Variants in DACH1 observed in about 807,000 individuals in gnomAD.
DACH1 encodes dachshund family transcription factor 1.
A neutral mutation model predicts 54.2 loss-of-function variants in DACH1; 12 were observed. That is an observed-to-expected ratio of 0.22 (90% CI 0.14 to 0.36). The LOEUF is 0.36. Among genes scored for constraint, DACH1 ranks in the 10% least tolerant of loss-of-function variants. DACH1 has a pLI of 1.00. For missense variants in DACH1, 805 were observed against 929.8 expected, an observed-to-expected ratio of 0.87 and a Z score of 1.75; for synonymous variants, 386 against 366.2, an observed-to-expected ratio of 1.05 and a Z score of -0.62.
rs144562083 is a variant in DACH1 at position 71,761,686 on chromosome 13, GGCC to G, written c.849-79779_849-79777del. The stretch of plus-strand genomic sequence containing the variant: ...TTTTGATCCAGTAGGTCTGGAATGG[GGCC>G]TGGATGCTAACATTTTTAAGTCACT... On this transcript the variant is annotated intron_variant, in intron 1 of 10. Transcript: ENST00000613252. 5.6e-3 allele frequency among the ~76,000 whole-genome samples: 845 copies of G among 152,126 alleles called. 10 individuals are homozygous for G. The highest frequency in any genetic ancestry group is 0.019 in the African/African-American group (790 of 41,498).
intron 1 of DACH1, among the ~76,000 whole-genome samples, chr13:71,747,089 G>C (rs1036081227): frequency 6.6e-6 from 1 of 151,836 alleles, no homozygotes; most frequent in Admixed American, 6.6e-5. Context: ...TATTGTGTTT[G>C]TATATACAAA....
chr13:71,630,153 TG>T (rs1342219795), intron 3 of DACH1, among the ~76,000 whole-genome samples: 1 of 152,148 alleles, frequency 6.6e-6, no homozygotes, highest in East Asian at 1.9e-4. Context: ...TTGCTGCCAA[TG>T]GTAGTAAGTT....
intron 1 of DACH1, among the ~76,000 whole-genome samples, chr13:71,765,311 G>A (rs1044321710): frequency 2.6e-5 from 4 of 152,092 alleles, no homozygotes; most frequent in Non-Finnish European, 4.4e-5. Flanking sequence ...TAAATTCCAT[G>A]GGTTCTACCC....
Position 71,748,938 on chromosome 13 carries a change from TTCTTTCTTTCTTTCTC to T in DACH1, c.849-67044_849-67029del, listed in dbSNP as rs1566477068. Reference sequence around the variant, plus strand: ...TTTCTTTCTTTCTTTCTTTCTTTCTTTCTTTCTTTCTTTCTCTCTTTCTTTCTCTCTCTCTCTTTCT... The same window carrying T: ...TTTCTTTCTTTCTTTCTTTCTTTCTTTCTTTCTTTCTCTCTCTCTCTTTCT... On this transcript the variant is annotated intron_variant, in intron 1 of 10. Coordinates refer to ENST00000613252, the MANE Select transcript of DACH1 (RefSeq NM_080759.6). Among the ~76,000 whole-genome samples the T allele has an allele frequency of 4.5e-3, 218 of 48,758 alleles. 12 individuals are homozygous for T. The highest frequency in any genetic ancestry group is 9.4e-3 in the African/African-American group (203 of 21,698). The allele number at this position is 48,758 out of a possible 152,430, so 32.0% of individuals were successfully genotyped here.
At chr13:71,579,143 G>T (rs970935746) in intron 3 of DACH1, among the ~76,000 whole-genome samples, 4 of 151,948 alleles carry the variant, frequency 2.6e-5, no homozygotes, top group Non-Finnish European at 4.4e-5. Flanking sequence ...TCTTACCTAT[G>T]ATGTTTTCTT....
At chr13:71,672,709 G>GT (rs1566422641) in intron 2 of DACH1, among the ~76,000 whole-genome samples, 1 of 152,098 alleles carries the variant, frequency 6.6e-6, no homozygotes, top group Non-Finnish European at 1.5e-5. Flanking sequence ...AGGAAGGGAC[G>GT]TAAGATACCA....
intron 1 of DACH1, among the ~76,000 whole-genome samples, chr13:71,741,281 T>C (rs867608386): frequency 9.9e-5 from 15 of 152,154 alleles, no homozygotes; most frequent in South Asian, 8.3e-4. Context: ...ATTTTGATTA[T>C]TGGGAAAAGA....
intron 2 of DACH1, among the ~76,000 whole-genome samples, chr13:71,632,593 A>C (rs1877191572): frequency 6.6e-6 from 1 of 152,076 alleles, no homozygotes; most frequent in African/African-American, 2.4e-5. Context: ...CTAGCAAATA[A>C]GTTACTGCCC....
At position 71,453,966 on chromosome 13, in the gene DACH1, C is replaced by G. The variant is rs1566268477; in HGVS notation, c.2084-13274G>C. Among the ~76,000 whole-genome samples the G allele has an allele frequency of 5.9e-5, 9 of 152,214 alleles. No individual in the cohort carries two copies. In the East Asian group the frequency reaches 9.7e-4, roughly 16 times the overall value. On this transcript the variant is annotated intron_variant, in intron 10 of 10. Coordinates refer to ENST00000613252, the MANE Select transcript of DACH1 (RefSeq NM_080759.6). ...AGAACAATAACATCCTATACAAGAA[C>G]TTTTAAGTAAGGTGGCCCTCTGTGC...
chr13:71,441,952 C>T (rs4884952), intron 10 of DACH1, among the ~76,000 whole-genome samples: 139,743 of 152,018 alleles, frequency 0.92, 65,386 homozygotes, highest in East Asian at 1. Flanking sequence ...ATGGGATACA[C>T]TGCATATTTA....
At chr13:71,468,766 A>AT (rs1159173828) in intron 10 of DACH1, among the ~76,000 whole-genome samples, 5 of 152,066 alleles carry the variant, frequency 3.3e-5, no homozygotes, top group African/African-American at 4.8e-5. Flanking sequence ...TAAGTTGTAG[A>AT]TTTTTTTCTC....
chr13:71,471,964 C>T (rs1051567908), intron 10 of DACH1, among the ~76,000 whole-genome samples: 1 of 151,818 alleles, frequency 6.6e-6, no homozygotes, highest in Non-Finnish European at 1.5e-5. Flanking sequence ...AAACACTGCT[C>T]GATGATTGTT....
chr13:71,527,832 GTAA>G (rs1245260468), intron 6 of DACH1, among the ~76,000 whole-genome samples: 1 of 151,844 alleles, frequency 6.6e-6, no homozygotes, highest in Non-Finnish European at 1.5e-5. Context: ...GAAAAAGGTA[GTAA>G]AAACTAAACA....
At chr13:71,475,610 A>G in intron 9 of DACH1, 96 bp downstream of exon 9, 2 of 1,376,920 alleles carry the variant, frequency 1.5e-6, no homozygotes, top group Non-Finnish European at 2.0e-6. Context: ...ATGAATCACA[A>G]GATATAGAAA....
chr13:71,794,808 C>T (rs900351125), intron 1 of DACH1, among the ~76,000 whole-genome samples: 1 of 152,168 alleles, frequency 6.6e-6, no homozygotes, highest in Non-Finnish European at 1.5e-5. Context: ...AATTGACATT[C>T]AAGTACAAAA....
intron 3 of DACH1, among the ~76,000 whole-genome samples, chr13:71,579,208 A>T (rs1379894315): frequency 6.6e-6 from 1 of 152,074 alleles, no homozygotes; most frequent in African/African-American, 2.4e-5. Context: ...TTATAACATA[A>T]TACTGATGCT....
chr13:71,642,204 A>T (rs1390789902), intron 2 of DACH1, among the ~76,000 whole-genome samples: 1 of 152,220 alleles, frequency 6.6e-6, no homozygotes, highest in African/African-American at 2.4e-5. Flanking sequence ...ATGAGATTCT[A>T]TTAAAAGAAA....
chr13:71,552,820 TATATATATATATATATATATATAGAGAG>T (rs1268150387), intron 6 of DACH1, among the ~76,000 whole-genome samples: 99 of 56,448 alleles, frequency 1.8e-3, no homozygotes, highest in African/African-American at 4.7e-3. Context: ...TATATATATA[TATATATATATATATATATATATAGAGAG>T]AGAGAGAGAG....
chr13:71,504,141 A>G (rs1376726968), intron 6 of DACH1, among the ~76,000 whole-genome samples: 2 of 152,164 alleles, frequency 1.3e-5, no homozygotes, highest in Non-Finnish European at 2.9e-5. Flanking sequence ...ACGTTGTTAG[A>G]TTTATAAAAT....
Sources: gnomAD v4.1 joint callset for allele counts (sites outside exome capture counted in the v4.1 genomes callset) on GRCh38, gnomAD v4.1.1 for gene constraint, MANE v1.5 for transcripts, NCBI Gene and HGNC (gene_info 2026-07-23, HGNC 2026-07-21) for gene names.